The following MBD5 variants were observed in gnomAD, a reference collection of about 807,000 sequenced individuals.
MBD5 encodes methyl-CpG binding domain protein 5, also known as methyl-CpG-binding domain protein 5.
A neutral mutation model predicts 117.3 loss-of-function variants in MBD5; 13 were observed. The observed-to-expected ratio is 0.11, with a 90% confidence interval of 0.07 to 0.18. The LOEUF is 0.18. MBD5 is among the 10% of genes least tolerant of loss of function. MBD5 has a pLI of 1.00. For missense variants in MBD5, 1,879 were observed against 2,093.8 expected (o/e 0.90, Z 2.00); for synonymous variants, 727 against 766.4 (o/e 0.95, Z 0.85).
At chr2:148,313,435 C>T (rs1213760540) in intron 3 of MBD5, among the ~76,000 whole-genome samples, 1 of 152,188 alleles carries the variant, frequency 6.6e-6, no homozygotes, top group African/African-American at 2.4e-5. Context: ...AACTTCCAGG[C>T]AGCTTTGTTT....
chr2:148,489,495 C>T lies in MBD5; in HGVS notation c.3863C>T (p.Thr1288Ile). 6.2e-7 allele frequency: 1 copy of T among 1,614,206 alleles called. No individual in the cohort carries two copies. ...PNTTLPPFQD[T>I]PCELQPRIDP... ...ACTACACTTCCACCTTTTCAAGATA[C>T]ACCTTGTGAGTTGCAACCGAGGATT... Residue 1288 changes from threonine to isoleucine, a missense_variant, in exon 11 of 14, where the codon ACA becomes ATA. Transcript: ENST00000642680.
At chr2:148,043,774 A>G (rs1694441968) in intron 1 of MBD5, among the ~76,000 whole-genome samples, 1 of 152,232 alleles carries the variant, frequency 6.6e-6, no homozygotes, top group South Asian at 2.1e-4. Flanking sequence ...GTCATTAGAA[A>G]TACATATTTT....
chr2:148,214,165 G>A (rs766015241), intron 2 of MBD5, among the ~76,000 whole-genome samples: 2 of 152,098 alleles, frequency 1.3e-5, no homozygotes, highest in African/African-American at 2.4e-5. Flanking sequence ...GACCTTCTAG[G>A]TGAGAGGCCA....
chr2:148,500,247 G>T (rs1204075190), intron 11 of MBD5, among the ~76,000 whole-genome samples: 4 of 151,756 alleles, frequency 2.6e-5, no homozygotes, highest in Non-Finnish European at 4.4e-5. Context: ...CTAAATTTTT[G>T]AGTGTGCCTG....
chr2:148,270,213 A>G (rs944052120), intron 3 of MBD5, among the ~76,000 whole-genome samples: 2 of 152,090 alleles, frequency 1.3e-5, no homozygotes, highest in African/African-American at 2.4e-5. Flanking sequence ...TGAACAGACT[A>G]CTGTATTGGC....
At chr2:148,025,325 C>T (rs1693863060) in intron 1 of MBD5, 1 of 151,888 alleles carries the variant, frequency 6.6e-6, no homozygotes. Flanking sequence ...TGGAAAAATG[C>T]ATGTTTAAGA....
At chr2:148,363,198 A>C (rs1170611324) in intron 4 of MBD5, among the ~76,000 whole-genome samples, 1 of 152,150 alleles carries the variant, frequency 6.6e-6, no homozygotes, top group Non-Finnish European at 1.5e-5. Flanking sequence ...CTCCGAGCTA[A>C]AGGAGCATAT....
At chr2:148,396,874 T>C (rs1287597031) in intron 4 of MBD5, among the ~76,000 whole-genome samples, 1 of 152,186 alleles carries the variant, frequency 6.6e-6, no homozygotes, top group Non-Finnish European at 1.5e-5. Flanking sequence ...CCTGTGTCAG[T>C]TCCCTTAAAC....
chr2:148,324,630 CTGTT>C (rs1376433645), intron 3 of MBD5, among the ~76,000 whole-genome samples: 3 of 151,796 alleles, frequency 2.0e-5, no homozygotes, highest in Non-Finnish European at 2.9e-5. Context: ...ATTTGGCTCT[CTGTT>C]TGTCTGTTGT....
intron 4 of MBD5, among the ~76,000 whole-genome samples, chr2:148,351,662 G>A (rs900282328): frequency 3.9e-5 from 6 of 151,968 alleles, no homozygotes; most frequent in African/African-American, 9.7e-5. Context: ...AAGGAATAAC[G>A]TTGTAAGAAT....
chr2:148,403,185 C>CT lies in MBD5; in HGVS notation c.-556-55006dup, dbSNP rs35320980. Reference sequence around the variant, plus strand: ...TTATAATAACTATATTAATGTTCTTCTTTTTTTTTTTTGAGACAGGGTCTC... The same window carrying CT: ...TTATAATAACTATATTAATGTTCTTCTTTTTTTTTTTTTGAGACAGGGTCTC... On this transcript the variant is annotated intron_variant, in intron 4 of 13. Coordinates refer to ENST00000642680, the MANE Select transcript of MBD5 (RefSeq NM_001378120.1). Among the ~76,000 whole-genome samples the CT allele has an allele frequency of 1.9e-3, 269 of 144,592 alleles. 6 individuals carry two copies. In the East Asian group the frequency reaches 0.046, roughly 25 times the overall value. 94.9% of individuals were successfully genotyped at this position (144,592 alleles called of 152,430 possible). A position where few individuals can be genotyped will look rare whatever the true frequency, so the allele number is the denominator to read the frequency against.
intron 4 of MBD5, among the ~76,000 whole-genome samples, chr2:148,375,594 A>G (rs1195690032): frequency 6.6e-6 from 1 of 152,164 alleles, no homozygotes; most frequent in Non-Finnish European, 1.5e-5. Flanking sequence ...CCTTGCTGTT[A>G]GCAGTCTGGA....
chr2:148,471,819 C>T (rs548519379), intron 8 of MBD5: 1 of 152,148 alleles, frequency 6.6e-6, no homozygotes, highest in South Asian at 2.1e-4. Flanking sequence ...TAACAGTATA[C>T]TTATCCCATA....
chr2:148,446,189 A>G (rs192888574), intron 4 of MBD5, among the ~76,000 whole-genome samples: 7 of 151,820 alleles, frequency 4.6e-5, no homozygotes, highest in African/African-American at 1.5e-4. Flanking sequence ...TCGGTGTTTT[A>G]GACATGAAGC....
intron 4 of MBD5, among the ~76,000 whole-genome samples, chr2:148,350,356 A>G (rs1001861477): frequency 3.3e-5 from 5 of 152,046 alleles, no homozygotes; most frequent in African/African-American, 7.2e-5. Flanking sequence ...AGCAACAGTC[A>G]ATGTGTTCTG....
At chr2:148,042,549 C>T (rs1284489245) in intron 1 of MBD5, among the ~76,000 whole-genome samples, 1 of 151,728 alleles carries the variant, frequency 6.6e-6, no homozygotes, top group African/African-American at 2.4e-5. Flanking sequence ...CATATCGAGC[C>T]TCAGTACGTT....
At chr2:148,155,950 C>T (rs1175826889) in intron 1 of MBD5, among the ~76,000 whole-genome samples, 1 of 152,134 alleles carries the variant, frequency 6.6e-6, no homozygotes, top group African/African-American at 2.4e-5. Flanking sequence ...GGAGTTATAC[C>T]TTCAGAGAGA....
intron 3 of MBD5, among the ~76,000 whole-genome samples, chr2:148,278,942 G>A (rs543452602): frequency 2.6e-5 from 4 of 152,280 alleles, no homozygotes; most frequent in African/African-American, 9.6e-5. Flanking sequence ...TCAGGAGAAG[G>A]GTGTCATGAC....
chr2:148,294,364 A>ACAGGTG (rs1168412726), intron 3 of MBD5, among the ~76,000 whole-genome samples: 13 of 150,950 alleles, frequency 8.6e-5, no homozygotes, highest in African/African-American at 3.2e-4. Flanking sequence ...AGCTGGGACT[A>ACAGGTG]CAGGTGCCCG....
Sources: allele counts gnomAD v4.1 joint callset (sites outside exome capture counted in the v4.1 genomes callset), GRCh38; gene constraint gnomAD v4.1.1; transcripts MANE v1.5; gene names NCBI Gene and HGNC (gene_info 2026-07-23, HGNC 2026-07-21).